The following RP1 variants were observed in gnomAD, a reference collection of about 807,000 sequenced individuals.
The protein encoded by RP1 is RP1 axonemal microtubule associated, also known as oxygen-regulated protein 1.
In RP1, 16 loss-of-function variants were observed where a neutral mutation model predicts 14.8. That is an observed-to-expected ratio of 1.08 (90% CI 0.73 to 1.65). The LOEUF is 1.65. RP1 is among the 40% of genes most tolerant of loss of function. The pLI, the probability that RP1 is intolerant of heterozygous loss-of-function variation, is 0.00. For synonymous variants in RP1, 876 were observed against 883.6 expected (o/e 0.99, Z 0.15); for missense variants, 2,631 against 2,535.0 (o/e 1.04, Z -0.81).
At chr8:54,571,581 G>A (rs1804524363) in intron 1 of RP1, among the ~76,000 whole-genome samples, 2 of 152,162 alleles carry the variant, frequency 1.3e-5, no homozygotes, top group South Asian at 2.1e-4. Context: ...AGATCCATCA[G>A]CTCAAGTCTT....
At chr8:54,817,453 G>A (rs771354316) in intron 24 of RP1, among the ~76,000 whole-genome samples, 10 of 152,094 alleles carry the variant, frequency 6.6e-5, no homozygotes, top group Non-Finnish European at 1.5e-4. Flanking sequence ...AGATACTGAT[G>A]GAGGAAGCCT....
intron 7 of RP1, among the ~76,000 whole-genome samples, chr8:54,672,560 T>C (rs1401418656): frequency 6.6e-6 from 1 of 152,190 alleles, no homozygotes; most frequent in East Asian, 1.9e-4. Flanking sequence ...CGTGTGTAAA[T>C]TGGAGCCTGG....
Position 54,625,361 on chromosome 8 carries a change from A to G in RP1, c.1479A>G (p.Glu493=). The change falls in exon 4 of 4, where the codon GAA becomes GAG. Residue 493 remains glutamate, a synonymous_variant. Transcript: ENST00000220676. ...ATAGTGAAGAAAGGGAAAGTGGGGA[A>G]AACAAGTCTGAGTATCACATGTTTA... is the stretch of plus-strand genomic sequence containing the variant. The part of the protein sequence containing the change: ...FSYSEERESG[E]NKSEYHMFTH... 6.2e-7 allele frequency: 1 copy of G among 1,614,172 alleles called. No individual in the cohort carries two copies. Among genetic ancestry groups the G allele is most frequent in the Non-Finnish European group, 8.5e-7 (1 of 1,180,040 alleles).
chr8:54,741,738 T>TAC (rs1469506076), intron 19 of RP1, among the ~76,000 whole-genome samples: 10 of 140,220 alleles, frequency 7.1e-5, no homozygotes, highest in Admixed American at 1.4e-4. Context: ...TATATATATA[T>TAC]ATATATATAT....
exon 6 of RP1, chr8:54,656,115 G>A: frequency 6.5e-7 from 1 of 1,534,186 alleles, no homozygotes. Context: ...CTGGAAAACA[G>A]TTTTATGTAC....
chr8:54,598,381 T>C (rs1319221678), intron 1 of RP1, among the ~76,000 whole-genome samples: 1 of 152,180 alleles, frequency 6.6e-6, no homozygotes, highest in African/African-American at 2.4e-5. Context: ...TTTACCAGTG[T>C]TAAGTGTAGC....
intron 7 of RP1, among the ~76,000 whole-genome samples, chr8:54,668,802 C>T (rs1807076741): frequency 1.3e-5 from 2 of 152,252 alleles, no homozygotes; most frequent in Admixed American, 6.5e-5. Flanking sequence ...ATAAATGGTG[C>T]TGGGAAAACT....
At chr8:54,731,364 G>T (rs1808790475) in intron 17 of RP1, among the ~76,000 whole-genome samples, 1 of 152,028 alleles carries the variant, frequency 6.6e-6, no homozygotes, top group African/African-American at 2.4e-5. Context: ...TGACCGAGAA[G>T]GAGTCTATTG....
intron 26 of RP1, among the ~76,000 whole-genome samples, chr8:54,853,040 G>A (rs1303199918): frequency 6.6e-6 from 1 of 152,220 alleles, no homozygotes; most frequent in South Asian, 2.1e-4. Context: ...GTATGACAGA[G>A]CTACCCAGGC....
At chr8:54,619,599 C>T (rs976960579) in intron 1 of RP1, among the ~76,000 whole-genome samples, 2 of 152,206 alleles carry the variant, frequency 1.3e-5, no homozygotes, top group Non-Finnish European at 2.9e-5. Flanking sequence ...AAAAGGAAAA[C>T]CTTAGTGCTT....
intron 22 of RP1, among the ~76,000 whole-genome samples, chr8:54,764,978 G>T (rs1464958648): frequency 1.3e-5 from 2 of 152,056 alleles, no homozygotes; most frequent in Non-Finnish European, 2.9e-5. Context: ...ACTTGTCTCA[G>T]GATCTCACTC....
chr8:54,806,821 G>C (rs1810863203), intron 24 of RP1, among the ~76,000 whole-genome samples: 1 of 152,054 alleles, frequency 6.6e-6, no homozygotes, highest in Non-Finnish European at 1.5e-5. Flanking sequence ...GTACCTCAAG[G>C]GGAGATGGAT....
At chr8:54,847,997 T>C (rs1811971147) in intron 25 of RP1, among the ~76,000 whole-genome samples, 1 of 152,194 alleles carries the variant, frequency 6.6e-6, no homozygotes, top group African/African-American at 2.4e-5. Flanking sequence ...TATATATAGC[T>C]TTTGTTTTGA....
intron 7 of RP1, among the ~76,000 whole-genome samples, chr8:54,673,093 G>T (rs1421911262): frequency 6.6e-6 from 1 of 152,094 alleles, no homozygotes; most frequent in Admixed American, 6.6e-5. Flanking sequence ...GAGACAAAGA[G>T]ATTCAAAAGA....
intron 1 of RP1, among the ~76,000 whole-genome samples, chr8:54,580,206 C>A (rs1388495083): frequency 2.7e-5 from 4 of 149,564 alleles, no homozygotes; most frequent in Non-Finnish European, 5.9e-5. Flanking sequence ...TGGTGTAATG[C>A]CTGGCATGTA....
chr8:54,585,839 C>T (rs1375177998), intron 1 of RP1, among the ~76,000 whole-genome samples: 3 of 152,202 alleles, frequency 2.0e-5, no homozygotes, highest in African/African-American at 7.2e-5. Context: ...CCGTGGTTTT[C>T]AGCTCCATCA....
intron 7 of RP1, among the ~76,000 whole-genome samples, chr8:54,670,573 G>A (rs1254102553): frequency 2.3e-5 from 3 of 133,198 alleles, no homozygotes; most frequent in Non-Finnish European, 4.7e-5. Flanking sequence ...ACATATATAT[G>A]TATGTATATG....
At chr8:54,708,531 T>A (rs896314572) in intron 15 of RP1, among the ~76,000 whole-genome samples, 2 of 152,068 alleles carry the variant, frequency 1.3e-5, no homozygotes, top group African/African-American at 4.8e-5. Context: ...ATTTTTGTGT[T>A]TGTATTTTTA....
intron 26 of RP1, among the ~76,000 whole-genome samples, chr8:54,855,589 A>G (rs1380473383): frequency 6.6e-6 from 1 of 152,196 alleles, no homozygotes; most frequent in Admixed American, 6.5e-5. Context: ...TATTGTAAAA[A>G]CATACTGGCA....
Sources: allele counts gnomAD v4.1 joint callset (sites outside exome capture counted in the v4.1 genomes callset), GRCh38; gene constraint gnomAD v4.1.1; transcripts MANE v1.5; gene names NCBI Gene and HGNC (gene_info 2026-07-23, HGNC 2026-07-21).